Variants in SAMD3 observed in about 807,000 individuals in gnomAD.
SAMD3 encodes sterile alpha motif domain-containing protein 3.
SAMD3 carries 63 observed loss-of-function variants against 58.5 expected under a neutral mutation model. The ratio of observed to expected loss-of-function variants is 1.08; its 90% CI spans 0.88 to 1.33. SAMD3 has a LOEUF of 1.33. Ranked by LOEUF, SAMD3 falls within the 40% of genes most tolerant of loss-of-function variation. SAMD3 has a pLI of 0.00. For missense variants in SAMD3, 604 were observed against 608.4 expected, an observed-to-expected ratio of 0.99 and a Z score of 0.08; for synonymous variants, 220 against 210.3, an observed-to-expected ratio of 1.05 and a Z score of -0.40.
At chr6:130,254,312 G>A (rs1773850199) in intron 2 of SAMD3, among the ~76,000 whole-genome samples, 2 of 151,960 alleles carry the variant, frequency 1.3e-5, no homozygotes, top group South Asian at 4.2e-4. Context: ...TCCTCCCTCA[G>A]CCTCCCGAGT....
At chr6:130,357,118 C>CTTTTTTTT (rs1169066063) in intron 1 of SAMD3, among the ~76,000 whole-genome samples, 7 of 91,714 alleles carry the variant, frequency 7.6e-5, no homozygotes, top group African/African-American at 1.3e-4. Context: ...GCCATGGCAT[C>CTTTTTTTT]TTTTTTTTTT....
chr6:130,176,003 TA>T lies in SAMD3; in HGVS notation c.659del (p.Leu220TyrfsTer17), dbSNP rs749076569. The T allele has an allele frequency of 8.8e-5, 142 of 1,611,732 alleles. 2 individuals carry two copies. In the East Asian group the frequency reaches 1.3e-3, roughly 14 times the overall value. On this transcript the variant is annotated frameshift_variant, in exon 8 of 12. Coordinates refer to ENST00000439090, the MANE Select transcript of SAMD3 (RefSeq NM_001017373.4). LOFTEE classifies it high-confidence loss of function. ...AGCGATCTTTGAGGGCTCGTTTCCA[TA>T]AAAACTGTAAAATAAAACAGACCAG... ...FLDEDGCGFFLWKRALKDRFK... is the reference protein window; with the variant it reads ...FLDEDGCGFFXWKRALKDRFK...
At chr6:130,249,255 C>A (rs117919234) in intron 2 of SAMD3, among the ~76,000 whole-genome samples, 3,034 of 152,228 alleles carry the variant, frequency 0.02, 67 homozygotes, top group Non-Finnish European at 0.031. Context: ...ATATGACTTA[C>A]CCTAATTGGC....
At chr6:130,355,509 T>C (rs918179091) in intron 1 of SAMD3, among the ~76,000 whole-genome samples, 1 of 152,232 alleles carries the variant, frequency 6.6e-6, no homozygotes, top group Non-Finnish European at 1.5e-5. Context: ...TGTACAACTC[T>C]TCCTTAATCC....
At chr6:130,365,662 G>A, upstream of SAMD3, 3 of 985,458 alleles carry the variant, frequency 3.0e-6, no homozygotes, top group Non-Finnish European at 3.6e-6. Flanking sequence ...CGGGCCCCAC[G>A]GGTGGGTGTG....
chr6:130,361,489 T>C (rs1777987579), intron 1 of SAMD3, among the ~76,000 whole-genome samples: 2 of 152,236 alleles, frequency 1.3e-5, no homozygotes, highest in African/African-American at 4.8e-5. Context: ...TGTATGTGTG[T>C]ACAGTCTGTT....
chr6:130,312,600 A>T (rs1776214516), intron 2 of SAMD3, among the ~76,000 whole-genome samples: 1 of 152,118 alleles, frequency 6.6e-6, no homozygotes. Flanking sequence ...TTGGGCTGTG[A>T]TTTGCAATTC....
chr6:130,221,969 G>A (rs1205087717), intron 1 of SAMD3, among the ~76,000 whole-genome samples: 2 of 152,134 alleles, frequency 1.3e-5, no homozygotes, highest in Non-Finnish European at 2.9e-5. Flanking sequence ...ATTGGAAAAG[G>A]TGAAAATTAG....
chr6:130,341,411 C>T (rs1209002433), intron 1 of SAMD3, among the ~76,000 whole-genome samples: 1 of 152,146 alleles, frequency 6.6e-6, no homozygotes, highest in Non-Finnish European at 1.5e-5. Context: ...CACTTAAGAA[C>T]CTGCTGAGCA....
At chr6:130,185,759 T>C (rs1792900305) in intron 5 of SAMD3, among the ~76,000 whole-genome samples, 1 of 151,320 alleles carries the variant, frequency 6.6e-6, no homozygotes, top group African/African-American at 2.4e-5. Context: ...GCCTCCCAAA[T>C]AGCTGGGACT....
chr6:130,266,330 T>C (rs1174850812), intron 2 of SAMD3, among the ~76,000 whole-genome samples: 1 of 152,182 alleles, frequency 6.6e-6, no homozygotes, highest in East Asian at 1.9e-4. Context: ...GGAACTGTAA[T>C]AGGAGATCAA....
chr6:130,288,332 CCTT>C (rs145991616), intron 2 of SAMD3, among the ~76,000 whole-genome samples: 2,787 of 152,256 alleles, frequency 0.018, 80 homozygotes, highest in African/African-American at 0.06. Context: ...AGGCAGAATT[CCTT>C]CTTCTTCTGG....
chr6:130,163,327 A>C (rs1167698595), intron 8 of SAMD3, among the ~76,000 whole-genome samples: 1 of 152,212 alleles, frequency 6.6e-6, no homozygotes, highest in Non-Finnish European at 1.5e-5. Context: ...TTATATTTCT[A>C]TTGGACAGTG....
At chr6:130,171,844 A>C (rs560892783) in intron 8 of SAMD3, among the ~76,000 whole-genome samples, 5 of 152,314 alleles carry the variant, frequency 3.3e-5, no homozygotes, top group African/African-American at 1.2e-4. Context: ...TGGGAGTCTA[A>C]GTCTCTTTGC....
intron 9 of SAMD3, among the ~76,000 whole-genome samples, chr6:130,148,497 T>C (rs1788845224): frequency 6.6e-6 from 1 of 152,230 alleles, no homozygotes. Flanking sequence ...GTTGTTGTTT[T>C]CATTTTTGTT....
intron 2 of SAMD3, among the ~76,000 whole-genome samples, chr6:130,277,922 TC>T (rs986157843): frequency 7.2e-5 from 11 of 152,252 alleles, no homozygotes; most frequent in African/African-American, 2.4e-4. Flanking sequence ...AACAGCCCTT[TC>T]CCAAAACAAA....
intron 2 of SAMD3, among the ~76,000 whole-genome samples, chr6:130,302,836 C>G (rs2114977080): frequency 6.6e-6 from 1 of 152,184 alleles, no homozygotes; most frequent in Non-Finnish European, 1.5e-5. Flanking sequence ...AAATCAAGTA[C>G]CACAAGTTAC....
chr6:130,360,433 T>C (rs1777951490), intron 1 of SAMD3, among the ~76,000 whole-genome samples: 1 of 152,136 alleles, frequency 6.6e-6, no homozygotes, highest in South Asian at 2.1e-4. Flanking sequence ...CACATGTTGG[T>C]AGGTTCTGTG....
At chr6:130,325,792 T>C (rs1429884505) in intron 1 of SAMD3, among the ~76,000 whole-genome samples, 1 of 152,208 alleles carries the variant, frequency 6.6e-6, no homozygotes, top group Non-Finnish European at 1.5e-5. Context: ...TTGAGTTCAA[T>C]GTACCCGTTC....
Sources: gnomAD v4.1 joint callset for allele counts (sites outside exome capture counted in the v4.1 genomes callset) on GRCh38, gnomAD v4.1.1 for gene constraint, MANE v1.5 for transcripts, NCBI Gene and HGNC (gene_info 2026-07-23, HGNC 2026-07-21) for gene names.